The following MRPL3 variants were observed in gnomAD, a reference collection of about 807,000 sequenced individuals.
The protein encoded by MRPL3 is mitochondrial ribosomal protein L3.
In MRPL3, 43 loss-of-function variants were observed where a neutral mutation model predicts 44.3. The observed-to-expected ratio is 0.97, with a 90% CI of 0.76 to 1.25. The LOEUF (loss-of-function observed/expected upper bound fraction) is 1.25. MRPL3 is among the 50% of genes most tolerant of loss of function. The pLI is 0.00. For missense variants in MRPL3, 406 were observed against 427.6 expected (o/e 0.95, Z 0.45); for synonymous variants, 171 against 152.3 (o/e 1.12, Z -0.91).
At chr3:131,466,682 AT>A (rs869153758) in intron 9 of MRPL3, among the ~76,000 whole-genome samples, 204 of 50,090 alleles carry the variant, frequency 4.1e-3, no homozygotes, top group African/African-American at 0.017. Flanking sequence ...GCCAAAAAGC[AT>A]TTTTTTTGGG....
intron 6 of MRPL3, among the ~76,000 whole-genome samples, chr3:131,479,780 G>C (rs1471656712): frequency 2.0e-5 from 3 of 152,228 alleles, no homozygotes; most frequent in Non-Finnish European, 4.4e-5. Flanking sequence ...AGGAGGCAGA[G>C]TTTGCAGTAA....
intron 6 of MRPL3, among the ~76,000 whole-genome samples, chr3:131,478,182 GT>G (rs946711065): frequency 3.0e-4 from 46 of 152,152 alleles, no homozygotes; most frequent in Admixed American, 3.0e-3. Flanking sequence ...TTGAGAAAAA[GT>G]TTTTAGACCC....
chr3:131,497,598 A>T (rs1355400083), intron 4 of MRPL3, among the ~76,000 whole-genome samples: 1 of 152,174 alleles, frequency 6.6e-6, no homozygotes, highest in Non-Finnish European at 1.5e-5. Flanking sequence ...CAGGATACTC[A>T]TTGGGCAGCT....
At chr3:131,490,476 T>A (rs1342849551) in intron 4 of MRPL3, among the ~76,000 whole-genome samples, 2 of 152,190 alleles carry the variant, frequency 1.3e-5, no homozygotes, top group Non-Finnish European at 2.9e-5. Flanking sequence ...AAACACGGTA[T>A]GTTACATTTA....
intron 1 of MRPL3, 96 bp from the exon 2 acceptor site, chr3:131,501,811 A>C (rs1934503563): frequency 1.3e-6 from 2 of 1,599,390 alleles, no homozygotes; most frequent in African/African-American, 2.7e-5. Flanking sequence ...AAGTGTAGTC[A>C]GGGCCTTGGG....
chr3:131,478,813 A>G lies in MRPL3; in HGVS notation c.630-7534T>C, dbSNP rs140409145. 3.1e-3 allele frequency among the ~76,000 whole-genome samples: 477 copies of G among 151,568 alleles called. 2 individuals carry two copies. Among genetic ancestry groups the G allele is most frequent in the African/African-American group, 0.011 (461 of 41,290 alleles). On this transcript the variant is annotated intron_variant, in intron 6 of 9. Coordinates refer to ENST00000264995, the MANE Select transcript of MRPL3 (RefSeq NM_007208.4). ...AAGCCCCACCTCCCAGGTTCAAGCA[A>G]TTCTCAGGCCTCAGCCTCCCAAGTA...
intron 6 of MRPL3, 67 bp downstream of exon 6, chr3:131,487,613 T>A: frequency 8.2e-7 from 1 of 1,223,694 alleles, no homozygotes; most frequent in South Asian, 1.3e-5. Flanking sequence ...TGTACTTCTT[T>A]CACTTATTCT....
chr3:131,479,322 ACCAAATGGAGAAAGGACACTTGACTT>A, intron 6 of MRPL3: 1 of 305,690 alleles, frequency 3.3e-6, no homozygotes, highest in Admixed American at 3.5e-5. Flanking sequence ...GTAACTGTGT[ACCAAATGGAGAAAGGACACTTGACTT>A]CTTTAAGAAT....
rs981306422 is a variant in MRPL3, at chr3:131,499,496, G to A, written c.369+934C>T. On this transcript the variant is annotated intron_variant, in intron 3 of 9. Transcript: ENST00000264995. ...CCATTACTGAAAGCCCCCTGCCCCC[G>A]CCAGTTTCTTCAGAGTTCACAAAAC... 3.9e-5 allele frequency among the ~76,000 whole-genome samples: 6 copies of A among 152,044 alleles called. No individual in the cohort carries two copies. The South Asian group carries it at 6.2e-4, about 16-fold the overall frequency.
chr3:131,495,310 T>C (rs1934342718), intron 4 of MRPL3, among the ~76,000 whole-genome samples: 1 of 152,170 alleles, frequency 6.6e-6, no homozygotes, highest in African/African-American at 2.4e-5. Flanking sequence ...ACAAAAATGA[T>C]GTATTTACAA....
intron 6 of MRPL3, among the ~76,000 whole-genome samples, chr3:131,479,909 T>C (rs1434188889): frequency 1.3e-5 from 2 of 152,182 alleles, no homozygotes; most frequent in Non-Finnish European, 2.9e-5. Context: ...AAAAGCAAAA[T>C]GTCTAAATCA....
rs1933661322 is a variant in MRPL3 at position 131,468,096 on chromosome 3, C to T, written c.889G>A (p.Val297Ile). The change falls in exon 9 of 10, where the codon GTA (valine) becomes ATA (isoleucine). Residue 297 changes from valine to isoleucine, a missense_variant. Val to Ile is a conservative substitution (Grantham distance 29). Coordinates refer to ENST00000264995, the MANE Select transcript of MRPL3 (RefSeq NM_007208.4). ...GSVPGHKNCLVKVKDSKLPAY... is the reference protein window; with the variant it reads ...GSVPGHKNCLIKVKDSKLPAY... ...AAGAAGACACTTATACTTACCTTTA[C>T]TAAGCAATTTTTATGTCCAGGTACA... is the stretch of plus-strand genomic sequence containing the variant. 4 of 1,538,442 alleles carry T rather than the reference C, an allele frequency of 2.6e-6. No individual in the cohort carries two copies. Among genetic ancestry groups the T allele is most frequent in the Middle Eastern group, 1.7e-4 (1 of 5,774 alleles).
chr3:131,475,760 T>A (rs1410257554), intron 6 of MRPL3, among the ~76,000 whole-genome samples: 1 of 152,198 alleles, frequency 6.6e-6, no homozygotes, highest in African/African-American at 2.4e-5. Context: ...AATCAAATAT[T>A]TTATGCTTTA....
rs560740680 is a variant in MRPL3, at chr3:131,495,069, G to C, written c.468+3110C>G. Among the ~76,000 whole-genome samples, 4 of 152,116 alleles carry C rather than the reference G, an allele frequency of 2.6e-5. No individual in the cohort carries two copies. In the South Asian group the frequency reaches 8.3e-4, roughly 32 times the overall value. On this transcript the variant is annotated intron_variant, in intron 4 of 9. Transcript: ENST00000264995. ...TTTATAATAAGGTACAAAACAAAAA[G>C]GCAACGTAGTCTAATTTCTTGGAGG...
intron 8 of MRPL3, 69 bp from the exon 9 acceptor site, chr3:131,468,237 G>C: frequency 1.2e-6 from 1 of 844,036 alleles, no homozygotes; most frequent in Non-Finnish European, 1.9e-6. Context: ...TAAAAGCTGA[G>C]GATGTAAGTT....
At chr3:131,464,205 T>A (rs1933551100) in intron 9 of MRPL3, among the ~76,000 whole-genome samples, 1 of 152,136 alleles carries the variant, frequency 6.6e-6, no homozygotes, top group Non-Finnish European at 1.5e-5. Flanking sequence ...AACAAAACTT[T>A]CTGTGCTAAT....
At chr3:131,497,597 C>T (rs1219845158) in intron 4 of MRPL3, among the ~76,000 whole-genome samples, 1 of 152,098 alleles carries the variant, frequency 6.6e-6, no homozygotes, top group Non-Finnish European at 1.5e-5. Context: ...ACAGGATACT[C>T]ATTGGGCAGC....
chr3:131,483,595 AG>A (rs1322916293), intron 6 of MRPL3, among the ~76,000 whole-genome samples: 2 of 152,218 alleles, frequency 1.3e-5, no homozygotes, highest in Non-Finnish European at 1.5e-5. Flanking sequence ...AACCAACATC[AG>A]TATAGGTAAA....
chr3:131,486,387 A>AG (rs1934122082), intron 6 of MRPL3, among the ~76,000 whole-genome samples: 2 of 149,022 alleles, frequency 1.3e-5, no homozygotes, highest in Admixed American at 1.3e-4. Flanking sequence ...AAAAAAAAAA[A>AG]AAAACCAAAA....
Sources: gnomAD v4.1 joint callset for allele counts (sites outside exome capture counted in the v4.1 genomes callset) on GRCh38, gnomAD v4.1.1 for gene constraint, MANE v1.5 for transcripts, NCBI Gene and HGNC (gene_info 2026-07-23, HGNC 2026-07-21) for gene names.